Variants in FIG4 observed in about 807,000 individuals in gnomAD.
The protein encoded by FIG4 is polyphosphoinositide phosphatase.
FIG4 carries 112 observed loss-of-function variants against 118.6 expected under a neutral mutation model. The observed-to-expected ratio is 0.94, with a 90% CI of 0.81 to 1.11. The LOEUF is 1.11. FIG4 is among the 50% of genes least tolerant of loss of function. The pLI is 0.00. For missense variants in FIG4, 969 were observed against 1,111.7 expected (o/e 0.87, Z 1.83); for synonymous variants, 369 against 381.2 (o/e 0.97, Z 0.37).
In FIG4 at chr6:109,785,023, A is replaced by G; in HGVS notation, c.1943A>G (p.Asp648Gly). ...EVIKHLPLPY[D>G]EVICAVNLKK... ...ATAAAGCATTTACCATTGCCCTATG[A>G]TGAAGGTAGGTAACTGTTTGTGTTT... The change falls in exon 17 of 23, where the codon GAT becomes GGT. Residue 648 changes from aspartate to glycine, a missense_variant. Asp to Gly is a moderately conservative substitution (Grantham distance 94). Coordinates refer to ENST00000230124, the MANE Select transcript of FIG4 (RefSeq NM_014845.6). 6.4e-7 allele frequency: 1 copy of G among 1,562,086 alleles called. No homozygotes were observed. Among genetic ancestry groups the G allele is most frequent in the East Asian group, 2.2e-5 (1 of 44,588 alleles).
intron 10 of FIG4, among the ~76,000 whole-genome samples, chr6:109,749,242 T>C (rs746650739): frequency 2.7e-4 from 41 of 152,136 alleles, no homozygotes; most frequent in Non-Finnish European, 5.1e-4. Context: ...CTTTGTAAAA[T>C]AAATCATTCA....
chr6:109,734,078 G>A (rs1274003550), intron 5 of FIG4, among the ~76,000 whole-genome samples: 2 of 151,820 alleles, frequency 1.3e-5, no homozygotes, highest in African/African-American at 4.8e-5. Context: ...CTGTTAAAAT[G>A]AATGGATCCA....
intron 1 of FIG4, among the ~76,000 whole-genome samples, chr6:109,701,997 C>G (rs950984706): frequency 6.6e-6 from 1 of 152,170 alleles, no homozygotes; most frequent in Non-Finnish European, 1.5e-5. Flanking sequence ...ACTCACTTCC[C>G]CCTTCTGGGC....
chr6:109,812,402 C>G (rs1475260734), intron 22 of FIG4, among the ~76,000 whole-genome samples: 1 of 152,140 alleles, frequency 6.6e-6, no homozygotes, highest in East Asian at 1.9e-4. Context: ...AGCTGTTACT[C>G]TGAACTCATC....
intron 15 of FIG4, among the ~76,000 whole-genome samples, chr6:109,773,656 T>C (rs1000949055): frequency 2.0e-5 from 3 of 152,120 alleles, no homozygotes; most frequent in African/African-American, 4.8e-5. Flanking sequence ...TCTGGATGGC[T>C]GCAGGGGTTT....
At chr6:109,718,045 G>A (rs1196330688) in intron 3 of FIG4, among the ~76,000 whole-genome samples, 1 of 152,198 alleles carries the variant, frequency 6.6e-6, no homozygotes, top group Non-Finnish European at 1.5e-5. Flanking sequence ...TGTACAGGAA[G>A]CATAGCAGCT....
At chr6:109,726,359 C>G (rs1167533787) in intron 3 of FIG4, among the ~76,000 whole-genome samples, 1 of 152,188 alleles carries the variant, frequency 6.6e-6, no homozygotes, top group Non-Finnish European at 1.5e-5. Context: ...AATAGGGAAT[C>G]CTTTCCCCAT....
intron 5 of FIG4, among the ~76,000 whole-genome samples, chr6:109,734,330 C>T (rs983808499): frequency 1.3e-5 from 2 of 150,876 alleles, no homozygotes; most frequent in Non-Finnish European, 3.0e-5. Flanking sequence ...ACTGGAAAGC[C>T]CCCTCAACAC....
chr6:109,741,361 TA>T, intron 7 of FIG4, 82 bp from the exon 8 acceptor site: 2 of 900,552 alleles, frequency 2.2e-6, no homozygotes, highest in Non-Finnish European at 3.8e-6. Flanking sequence ...AAGCTGTATC[TA>T]AATGTTTATT....
At chr6:109,808,465 A>G (rs1196240439) in intron 22 of FIG4, among the ~76,000 whole-genome samples, 1 of 151,372 alleles carries the variant, frequency 6.6e-6, no homozygotes, top group African/African-American at 2.4e-5. Flanking sequence ...ATGTATTTTT[A>G]GTATTCTTTG....
At chr6:109,723,584 C>T (rs1015899851) in intron 3 of FIG4, among the ~76,000 whole-genome samples, 2 of 152,118 alleles carry the variant, frequency 1.3e-5, no homozygotes, top group African/African-American at 4.8e-5. Flanking sequence ...GCACCATGTC[C>T]CCTGGCCTCA....
intron 15 of FIG4, among the ~76,000 whole-genome samples, chr6:109,768,679 G>T (rs1049328914): frequency 7.2e-5 from 11 of 152,250 alleles, no homozygotes; most frequent in South Asian, 2.1e-4. Context: ...TAGGATGAGT[G>T]TGCTGGCAAG....
chr6:109,718,982 G>C (rs1049411220), intron 3 of FIG4, among the ~76,000 whole-genome samples: 5 of 149,720 alleles, frequency 3.3e-5, no homozygotes, highest in African/African-American at 1.2e-4. Context: ...GCAGTGGCGC[G>C]ACCTTGGCTA....
chr6:109,751,247 A>G (rs1266294924), intron 10 of FIG4, among the ~76,000 whole-genome samples: 5 of 152,212 alleles, frequency 3.3e-5, no homozygotes, highest in African/African-American at 7.2e-5. Flanking sequence ...GCAAATTTTT[A>G]TAAGTTACTT....
At chr6:109,761,456 G>T (rs1777103232) in intron 11 of FIG4, among the ~76,000 whole-genome samples, 1 of 152,102 alleles carries the variant, frequency 6.6e-6, no homozygotes, top group African/African-American at 2.4e-5. Context: ...CGCAATCTCG[G>T]CTCACTGCAA....
intron 10 of FIG4, among the ~76,000 whole-genome samples, chr6:109,755,718 G>A (rs1583688674): frequency 6.6e-6 from 1 of 152,178 alleles, no homozygotes; most frequent in Admixed American, 6.5e-5. Flanking sequence ...TTTGATCTTT[G>A]TTGGTTTCAA....
chr6:109,720,775 A>G (rs1775582576), intron 3 of FIG4, among the ~76,000 whole-genome samples: 1 of 152,208 alleles, frequency 6.6e-6, no homozygotes, highest in Admixed American at 6.5e-5. Flanking sequence ...TCCCTAGGCC[A>G]TGTTTTGAAT....
intron 22 of FIG4, among the ~76,000 whole-genome samples, chr6:109,816,595 G>A (rs928508134): frequency 4.6e-5 from 7 of 152,170 alleles, no homozygotes; most frequent in Non-Finnish European, 1.0e-4. Context: ...ATTGTATCCT[G>A]CACAGACCCA....
intron 18 of FIG4, among the ~76,000 whole-genome samples, chr6:109,788,415 G>A (rs1459825799): frequency 1.3e-5 from 2 of 152,192 alleles, no homozygotes; most frequent in Non-Finnish European, 2.9e-5. Context: ...CACCAAAAAT[G>A]TGAAAAACAT....
Sources: allele counts gnomAD v4.1 joint callset (sites outside exome capture counted in the v4.1 genomes callset), GRCh38; gene constraint gnomAD v4.1.1; transcripts MANE v1.5; gene names NCBI Gene and HGNC (gene_info 2026-07-23, HGNC 2026-07-21).